The following ZNF443 variants were observed in gnomAD, a reference collection of about 807,000 sequenced individuals.
The protein encoded by ZNF443 is zinc finger protein 443, also known as Kruppel-type zinc finger (C2H2).
A neutral mutation model predicts 12.0 loss-of-function variants in ZNF443; 3 were observed. The ratio of observed to expected loss-of-function variants is 0.25; its 90% confidence interval spans 0.11 to 0.64. The LOEUF (loss-of-function observed/expected upper bound fraction) is 0.64. Among genes scored for constraint, ZNF443 ranks in the 30% least tolerant of loss-of-function variants. ZNF443 has a pLI of 0.84. For missense variants in ZNF443, 770 were observed against 808.8 expected, an observed-to-expected ratio of 0.95 and a Z score of 0.58; for synonymous variants, 225 against 265.9, an observed-to-expected ratio of 0.85 and a Z score of 1.50.
intron 1 of ZNF443, among the ~76,000 whole-genome samples, chr19:12,439,673 A>C (rs1019688775): frequency 1.3e-5 from 2 of 152,100 alleles, no homozygotes; most frequent in Non-Finnish European, 2.9e-5. Flanking sequence ...TATCATTTAC[A>C]CTAGAGACAA....
At chr19:12,439,073 C>G (rs574037497) in intron 1 of ZNF443, among the ~76,000 whole-genome samples, 1 of 151,988 alleles carries the variant, frequency 6.6e-6, no homozygotes, top group Non-Finnish European at 1.5e-5. Context: ...ATTCTGTTCG[C>G]CACCCTCCTA....
rs1233801012 is a variant in ZNF443, at chr19:12,431,535, G to A, written c.637C>T (p.His213Tyr). ...GKAFFWPSLLHMHERTHTGEK... is the reference protein window; with the variant it reads ...GKAFFWPSLLYMHERTHTGEK... ...CCAGTGTGCGTTCTTTCATGCATAT[G>A]TAATAAACTGGGCCAAAAAAACGCT... The change falls in exon 4 of 4, where the codon CAT (histidine) becomes TAT (tyrosine). Residue 213 changes from histidine (H) to tyrosine (Y), a missense_variant. Around this residue, in one of 3 missense-constraint regions of ZNF443, gnomAD observed 736 missense variants for 689.4 expected, o/e 1.07. Transcript: ENST00000301547. The A allele has an allele frequency of 6.2e-7, 1 of 1,614,144 alleles. No individual in the cohort carries two copies.
chr19:12,431,084 C>G lies in ZNF443; in HGVS notation c.1088G>C (p.Gly363Ala), dbSNP rs1970247569. Residue 363 changes from glycine to alanine, a missense_variant, in exon 4 of 4, where the codon GGA becomes GCA. By Grantham distance (60) the Gly-to-Ala change is moderately conservative (BLOSUM62 0). This residue lies in a region of ZNF443 where 736 missense variants were observed against 689.4 expected (regional missense o/e 1.07). Coordinates refer to ENST00000301547, the MANE Select transcript of ZNF443 (RefSeq NM_005815.5). ...CCCACATATCTTACATTTATGAGGT[C>G]CATTTCCAGTGTGCCTTATCATGTG... ...QRHMIRHTGN[G>A]PHKCKICGKG... is the part of the protein sequence containing the mutation. The G allele has an allele frequency of 6.2e-7, 1 of 1,613,576 alleles. No individual in the cohort carries two copies. Among genetic ancestry groups the G allele is most frequent in the Admixed American group, 1.7e-5 (1 of 59,970 alleles).
At chr19:12,440,299 C>T (rs1034493048) in intron 1 of ZNF443, among the ~76,000 whole-genome samples, 1 of 151,758 alleles carries the variant, frequency 6.6e-6, no homozygotes, top group African/African-American at 2.4e-5. Flanking sequence ...CCGCCGGCTT[C>T]CCCATTGTGC....
Position 12,430,490 on chromosome 19 carries a change from T to G in ZNF443, c.1682A>C (p.Glu561Ala). 1 of 1,614,180 alleles carries G rather than the reference T, an allele frequency of 6.2e-7. No homozygotes were observed. Among genetic ancestry groups the G allele is most frequent in the Non-Finnish European group, 8.5e-7 (1 of 1,179,998 alleles). Residue 561 changes from glutamate to alanine, a missense_variant, in exon 4 of 4, where the codon GAA (glutamate) becomes GCA (alanine). Physicochemically the swap from Glu to Ala is moderately radical, Grantham distance 107. Transcript: ENST00000301547. ...ERIHSGEKPY[E>A]CKECGKAFSW... ...GAATGCTTTCCCACATTCCTTACAT[T>G]CATACGGCTTCTCTCCAGAGTGAAT...
Position 12,431,524 on chromosome 19 carries a change from T to G in ZNF443, c.648A>C (p.Glu216Asp). 6.2e-7 allele frequency: 1 copy of G among 1,614,090 alleles called. No homozygotes were observed. ...ATGGTTTCTCTCCAGTGTGCGTTCT[T>G]TCATGCATATGTAATAAACTGGGCC... ...FFWPSLLHMH[E>D]RTHTGEKPYE... The change falls in exon 4 of 4, where the codon GAA (glutamate) becomes GAC (aspartate). Residue 216 changes from glutamate to aspartate, a missense_variant. This residue lies in a region of ZNF443 where 736 missense variants were observed against 689.4 expected (regional missense o/e 1.07). Coordinates refer to ENST00000301547, the MANE Select transcript of ZNF443 (RefSeq NM_005815.5).
chr19:12,437,220 C>G (rs372250237), intron 1 of ZNF443, among the ~76,000 whole-genome samples: 13 of 150,992 alleles, frequency 8.6e-5, no homozygotes, highest in African/African-American at 3.2e-4. Context: ...GAGACTGTCT[C>G]TACGAAACGT....
Position 12,430,512 on chromosome 19 carries a change from G to A in ZNF443, c.1660C>T (p.His554Tyr). 6.2e-7 allele frequency: 1 copy of A among 1,614,146 alleles called. No homozygotes were observed. Among genetic ancestry groups the A allele is most frequent in the Non-Finnish European group, 8.5e-7 (1 of 1,179,988 alleles). ...CATTCATACGGCTTCTCTCCAGAGTGAATTCTTTCATGTACCTTTAAGTTA... is the reference window on the plus strand; with the variant it reads ...CATTCATACGGCTTCTCTCCAGAGTAAATTCTTTCATGTACCTTTAAGTTA... ...YDNLKVHERI[H>Y]SGEKPYECKE... is the part of the protein sequence containing the mutation. Residue 554 changes from histidine (H) to tyrosine (Y), a missense_variant, in exon 4 of 4, where the codon CAC becomes TAC. Around this residue, in one of 3 missense-constraint regions of ZNF443, gnomAD observed 736 missense variants for 689.4 expected, o/e 1.07. Transcript: ENST00000301547.
rs187617065 is a variant in ZNF443, at chr19:12,440,889, G to C, written c.3+23C>G. On this transcript the variant is annotated intron_variant, in intron 1 of 3. Coordinates refer to ENST00000301547, the MANE Select transcript of ZNF443 (RefSeq NM_005815.5). ...TCCACCTAACCCCTCCCCCGCCTCGGGACGCCGGCCCAGCACACGCACCAT... is the reference window on the plus strand; with the variant it reads ...TCCACCTAACCCCTCCCCCGCCTCGCGACGCCGGCCCAGCACACGCACCAT... 2.7e-4 allele frequency: 439 copies of C among 1,614,056 alleles called. 3 individuals are homozygous for C. In the African/African-American group the frequency reaches 5.1e-3, roughly 19 times the overall value.
intron 1 of ZNF443, among the ~76,000 whole-genome samples, chr19:12,436,660 AAC>A (rs1423377655): frequency 1.1e-4 from 17 of 152,138 alleles, no homozygotes; most frequent in Non-Finnish European, 2.5e-4. Flanking sequence ...AAATTGAGAG[AAC>A]ATGTGATTGG....
In ZNF443 at chr19:12,431,925, T is replaced by C. The variant is rs754654402; in HGVS notation, c.247A>G (p.Thr83Ala). 10 of 1,606,670 alleles carry C rather than the reference T, an allele frequency of 6.2e-6. No individual in the cohort carries two copies. The highest frequency in any genetic ancestry group is 8.5e-6 in the Non-Finnish European group (10 of 1,177,114). ...ESKDGTQCGE[T>A]SSQIQDSIVT... ...ATACTATCTTGAATCTGGCTAGATG[T>C]TTCTCCACATTGAGTTCCATCTTTA... The change falls in exon 4 of 4, where the codon ACA becomes GCA. Residue 83 changes from threonine to alanine, a missense_variant. Coordinates refer to ENST00000301547, the MANE Select transcript of ZNF443 (RefSeq NM_005815.5).
intron 1 of ZNF443, among the ~76,000 whole-genome samples, chr19:12,439,550 G>A (rs186355776): frequency 3.7e-3 from 569 of 152,068 alleles, no homozygotes; most frequent in African/African-American, 0.013. Context: ...GCAGAGGCAC[G>A]ATCATAGCTC....
Position 12,432,393 on chromosome 19 carries a change from G to T in ZNF443, c.175C>A (p.Pro59Thr), listed in dbSNP as rs751566862. 8 of 1,558,072 alleles carry T rather than the reference G, an allele frequency of 5.1e-6. No homozygotes were observed. The African/African-American group carries it at 5.6e-5, about 11-fold the overall frequency. The change falls in exon 3 of 4, where the codon CCC becomes ACC. Residue 59 changes from proline to threonine, a missense_variant. Around this residue, in one of 3 missense-constraint regions of ZNF443, gnomAD observed 736 missense variants for 689.4 expected, o/e 1.07. Transcript: ENST00000301547. ...GTAAATTACCTTAGATTTTTCCTGG[G>T]ATATCTATATTGATCTTCAATGTTC... ...DQNIEDQYRY[P>T]RKNLRCRMLE...
At chr19:12,437,763 G>C (rs187498942) in intron 1 of ZNF443, among the ~76,000 whole-genome samples, 27 of 151,988 alleles carry the variant, frequency 1.8e-4, no homozygotes, top group Admixed American at 1.6e-3. Flanking sequence ...TAAATATAAA[G>C]GTATGAAAAA....
chr19:12,431,348 T>C lies in ZNF443; in HGVS notation c.824A>G (p.His275Arg), dbSNP rs763936307. Residue 275 changes from histidine (H) to arginine (R), a missense_variant, in exon 4 of 4, where the codon CAT becomes CGT. Coordinates refer to ENST00000301547, the MANE Select transcript of ZNF443 (RefSeq NM_005815.5). ...YSSYLRHERT[H>R]TGEKPYKCKQ... The stretch of plus-strand genomic sequence containing the variant: ...ACATTTATATGGTTTCTCCCCAGTA[T>C]GTGTTCTTTCATGTCTTAGATAGGA... The C allele has an allele frequency of 4.3e-6, 7 of 1,614,000 alleles. No individual in the cohort carries two copies. In the East Asian group the frequency reaches 6.7e-5, roughly 15 times the overall value.
intron 1 of ZNF443, among the ~76,000 whole-genome samples, chr19:12,439,964 G>A (rs1970347682): frequency 6.6e-6 from 1 of 151,708 alleles, no homozygotes; most frequent in South Asian, 2.1e-4. Context: ...CCAGCCCTAG[G>A]AAGAGTCAGG....
intron 1 of ZNF443, among the ~76,000 whole-genome samples, chr19:12,440,648 TGGGGAGACCC>T (rs1190097299): frequency 6.6e-6 from 1 of 152,152 alleles, no homozygotes; most frequent in Non-Finnish European, 1.5e-5. Context: ...CCGCACAATC[TGGGGAGACCC>T]GGGGCTGCGG....
At chr19:12,433,839 G>GA (rs202135918) in intron 1 of ZNF443, among the ~76,000 whole-genome samples, 482 of 115,020 alleles carry the variant, frequency 4.2e-3, no homozygotes, top group Admixed American at 4.8e-3. Context: ...CAAAGTGGCA[G>GA]AAAAAAAAAA....
At chr19:12,438,698 C>T (rs1599623195) in intron 1 of ZNF443, among the ~76,000 whole-genome samples, 1 of 151,926 alleles carries the variant, frequency 6.6e-6, no homozygotes, top group South Asian at 2.1e-4. Flanking sequence ...ACAAACACAC[C>T]TGAGAAACGT....
Sources: allele counts gnomAD v4.1 joint callset (sites outside exome capture counted in the v4.1 genomes callset), GRCh38; gene constraint gnomAD v4.1.1; regional missense constraint gnomAD v4.1.1; transcripts MANE v1.5; gene names NCBI Gene and HGNC (gene_info 2026-07-23, HGNC 2026-07-21).